SHE: variants seen among roughly 807,000 people sequenced by gnomAD.
The protein encoded by SHE is Src homology 2 domain containing E, also known as SH2 domain-containing adapter protein E.
Under a neutral mutation model 49.8 loss-of-function variants are expected in SHE, and 11 were observed. The observed-to-expected ratio is 0.22, with a 90% CI of 0.14 to 0.37. The LOEUF (loss-of-function observed/expected upper bound fraction) is 0.37, where lower values mean the gene tolerates loss of function less well. Among genes scored for constraint, SHE ranks in the 10% least tolerant of loss-of-function variants. SHE has a pLI of 1.00. For synonymous variants in SHE, 310 were observed against 278.1 expected, an observed-to-expected ratio of 1.11 and a Z score of -1.14; for missense variants, 624 against 655.5, an observed-to-expected ratio of 0.95 and a Z score of 0.52.
chr1:154,481,833 A>C lies in SHE; in HGVS notation c.*2316T>G, dbSNP rs76518735. ...AAACATTCTATCAGTATCTGAAAAA[A>C]ACATTCCTTTTGGTTTTTTGTTTGC... On this transcript the variant is annotated 3_prime_UTR_variant, in exon 6 of 6. Coordinates refer to ENST00000304760, the MANE Select transcript of SHE (RefSeq NM_001010846.3). The C allele has an allele frequency of 0.017, 16,213 of 971,840 alleles. 137 individuals are homozygous for C. The highest frequency in any genetic ancestry group is 0.021 in the Middle Eastern group (39 of 1,896). 60.2% of individuals were successfully genotyped at this position (971,840 alleles called of 1,614,324 possible).
intron 1 of SHE, among the ~76,000 whole-genome samples, chr1:154,471,810 A>G (rs1571032636): frequency 6.6e-6 from 1 of 151,912 alleles, no homozygotes; most frequent in Non-Finnish European, 1.5e-5. Context: ...CAATGTCCTG[A>G]AAAAAAATAG....
intron 1 of SHE, among the ~76,000 whole-genome samples, chr1:154,472,585 G>A (rs2149286040): frequency 6.6e-6 from 1 of 152,330 alleles, no homozygotes; most frequent in East Asian, 1.9e-4. Flanking sequence ...TTCTGTGGGT[G>A]GGCCTGTGCA....
chr1:154,494,716 ATTAT>A lies in SHE; in HGVS notation c.718+4392_718+4395del, dbSNP rs539156924. Among the ~76,000 whole-genome samples, 404 of 152,286 alleles carry A rather than the reference ATTAT, an allele frequency of 2.7e-3. 2 individuals are homozygous for A. The highest frequency in any genetic ancestry group is 9.5e-3 in the African/African-American group (394 of 41,562). On this transcript the variant is annotated intron_variant, in intron 2 of 5. Transcript: ENST00000304760. ...ATTTTCAGTTGTGTAATTTGAACAA[ATTAT>A]TTAATCTTTCTGAACCTAGGTTTCC...
At chr1:154,484,581 C>G in intron 5 of SHE, 1 of 406,644 alleles carries the variant, frequency 2.5e-6, no homozygotes, top group South Asian at 6.0e-5. Context: ...ACAAAGAAAA[C>G]AATTAAAAAG....
At chr1:154,491,867 A>T in intron 2 of SHE, among the ~76,000 whole-genome samples, 1 of 152,204 alleles carries the variant, frequency 6.6e-6, no homozygotes. Flanking sequence ...GATCAAAGGC[A>T]GAATCTGGGA....
intron 1 of SHE, 82 bp downstream of exon 1, chr1:154,501,354 G>C (rs1692731811): frequency 7.5e-7 from 1 of 1,328,810 alleles, no homozygotes; most frequent in Non-Finnish European, 1.1e-6. Context: ...CTGCCTCTTA[G>C]GTCTAAAGAA....
chr1:154,474,452 G>T (rs1007183704), intron 1 of SHE, among the ~76,000 whole-genome samples: 1 of 152,156 alleles, frequency 6.6e-6, no homozygotes, highest in Admixed American at 6.5e-5. Flanking sequence ...TTTCCTGTTG[G>T]TTCCTTGGTA....
rs748753290 is a variant in SHE, at chr1:154,489,271, C to T, written c.804G>A (p.Leu268=). 6.2e-7 allele frequency: 1 copy of T among 1,614,234 alleles called. No individual in the cohort carries two copies. Among genetic ancestry groups the T allele is most frequent in the Non-Finnish European group, 8.5e-7 (1 of 1,180,042 alleles). Residue 268 remains leucine (L), a synonymous_variant, in exon 3 of 6, where the codon CTG becomes CTA. Transcript: ENST00000304760. The stretch of plus-strand genomic sequence containing the variant: ...GTCTTTTGGCCAAGGTCTCTGATTT[C>T]AGGCCACCGTCTGCGGGTTCACAGG... ...DSPCEPADGG[L]KSETLAKRRS... is the part of the protein sequence containing the mutation.
At chr1:154,471,165 C>T (rs899076648) in intron 1 of SHE, among the ~76,000 whole-genome samples, 1 of 152,174 alleles carries the variant, frequency 6.6e-6, no homozygotes, top group Non-Finnish European at 1.5e-5. Context: ...ATCTTTCAAA[C>T]ACTACCCAAT....
chr1:154,471,344 A>C (rs1691739119), intron 1 of SHE, among the ~76,000 whole-genome samples: 1 of 152,128 alleles, frequency 6.6e-6, no homozygotes, highest in Non-Finnish European at 1.5e-5. Context: ...ACATAGCATG[A>C]CCCTATCTCT....
At chr1:154,494,352 ACAGG>A (rs1013057230) in intron 2 of SHE, among the ~76,000 whole-genome samples, 2 of 150,558 alleles carry the variant, frequency 1.3e-5, no homozygotes, top group African/African-American at 4.9e-5. Flanking sequence ...TGTTTAAATC[ACAGG>A]CAAAGACAGA....
intron 2 of SHE, among the ~76,000 whole-genome samples, chr1:154,490,794 G>GT (rs768931405): frequency 4.3e-3 from 623 of 144,706 alleles, no homozygotes; most frequent in Non-Finnish European, 4.3e-3. Flanking sequence ...CCATTATAAG[G>GT]TTTTTTTTTT....
In SHE at chr1:154,502,168, C is replaced by G. The variant is rs1045577246; in HGVS notation, c.-142G>C. On this transcript the variant is annotated 5_prime_UTR_variant, in exon 1 of 6. Coordinates refer to ENST00000304760, the MANE Select transcript of SHE (RefSeq NM_001010846.3). The stretch of plus-strand genomic sequence containing the variant: ...GAGCGGGCGGGCGCTAGCCTCTGCT[C>G]CGGACACGGCAGGCGACAGGCACGA... 2 of 584,446 alleles carry G rather than the reference C, an allele frequency of 3.4e-6. No homozygotes were observed. The highest frequency in any genetic ancestry group is 1.2e-3 in the Middle Eastern group (2 of 1,654). 36.2% of individuals were successfully genotyped at this position (584,446 alleles called of 1,614,324 possible).
At chr1:154,488,979 A>G in intron 3 of SHE, 72 bp downstream of exon 3, 1 of 1,492,820 alleles carries the variant, frequency 6.7e-7, no homozygotes, top group South Asian at 1.4e-5. Flanking sequence ...AAGGAAAAAA[A>G]CAAATGTGGG....
chr1:154,484,531 G>GTGGTT (rs1195243241), intron 5 of SHE, 196 bp from the exon 6 acceptor site: 2 of 540,788 alleles, frequency 3.7e-6, no homozygotes, highest in Non-Finnish European at 6.6e-6. Flanking sequence ...TAATCCTTGA[G>GTGGTT]TGGTTTATCC....
intron 4 of SHE, 140 bp downstream of exon 4, chr1:154,486,387 A>G: frequency 1.7e-6 from 2 of 1,195,846 alleles, no homozygotes; most frequent in Non-Finnish European, 2.3e-6. Flanking sequence ...GGCTTTGAAG[A>G]TGGGTTTTCA....
At chr1:154,491,258 C>CT (rs1345145664) in intron 2 of SHE, among the ~76,000 whole-genome samples, 1 of 152,210 alleles carries the variant, frequency 6.6e-6, no homozygotes, top group Non-Finnish European at 1.5e-5. Flanking sequence ...GTGAAGAACA[C>CT]TGAGAACGGC....
chr1:154,482,250 G>A lies in SHE; in HGVS notation c.*1899C>T, dbSNP rs1348770089. On this transcript the variant is annotated 3_prime_UTR_variant, in exon 6 of 6. Coordinates refer to ENST00000304760, the MANE Select transcript of SHE (RefSeq NM_001010846.3). Reference sequence around the variant, plus strand: ...GCTGGTCTCAAACTCCTGACCTCACGTGATCTGCCTGCCTCAGCCTCCCAA... The same window carrying A: ...GCTGGTCTCAAACTCCTGACCTCACATGATCTGCCTGCCTCAGCCTCCCAA... The A allele has an allele frequency of 3.4e-6, 3 of 873,504 alleles. No individual in the cohort carries two copies. The highest frequency in any genetic ancestry group is 2.4e-4 in the East Asian group (2 of 8,286). The allele number at this position is 873,504 out of a possible 1,614,324, so 54.1% of individuals were successfully genotyped here.
Position 154,479,863 on chromosome 1 carries a change from C to T in SHE, c.*4286G>A. The T allele has an allele frequency of 1.0e-6, 1 of 985,432 alleles. No homozygotes were observed. Among genetic ancestry groups the T allele is most frequent in the Non-Finnish European group, 1.2e-6 (1 of 829,930 alleles). The allele number at this position is 985,432 out of a possible 1,614,324, so 61.0% of individuals were successfully genotyped here. A position where few individuals can be genotyped will look rare whatever the true frequency, so the allele number is the denominator to read the frequency against. ...GATAGTTGTATTAGACTTCAAAACA[C>T]CCTTTCCGCAGGAAAGGGCATTTTT... On this transcript the variant is annotated 3_prime_UTR_variant, in exon 6 of 6. Coordinates refer to ENST00000304760, the MANE Select transcript of SHE (RefSeq NM_001010846.3).
Sources: gnomAD v4.1 joint callset for allele counts (sites outside exome capture counted in the v4.1 genomes callset) on GRCh38, gnomAD v4.1.1 for gene constraint, MANE v1.5 for transcripts, NCBI Gene and HGNC (gene_info 2026-07-23, HGNC 2026-07-21) for gene names.